The following MTUS2 variants were observed in gnomAD, a reference collection of about 807,000 sequenced individuals.
The protein encoded by MTUS2 is microtubule associated scaffold protein 2.
A neutral mutation model predicts 114.1 loss-of-function variants in MTUS2; 40 were observed. The observed-to-expected ratio is 0.35, with a 90% confidence interval of 0.27 to 0.46. The LOEUF (loss-of-function observed/expected upper bound fraction) is 0.46, where lower values mean the gene tolerates loss of function less well. MTUS2 is among the 20% of genes least tolerant of loss of function. The pLI is 1.00. For missense variants in MTUS2, 1,679 were observed against 1,705.4 expected, an observed-to-expected ratio of 0.98 and a Z score of 0.27; for synonymous variants, 688 against 672.0, an observed-to-expected ratio of 1.02 and a Z score of -0.37.
intron 10 of MTUS2, among the ~76,000 whole-genome samples, chr13:29,486,155 A>T (rs565462410): frequency 1.6e-4 from 25 of 152,204 alleles, no homozygotes; most frequent in Non-Finnish European, 2.6e-4. Context: ...CATAGCTCTG[A>T]GCTTCAAGTA....
At chr13:29,087,990 C>T (rs980671085) in intron 4 of MTUS2, among the ~76,000 whole-genome samples, 3 of 147,092 alleles carry the variant, frequency 2.0e-5, no homozygotes, top group South Asian at 2.1e-4. Flanking sequence ...ACCTGGGAGG[C>T]GGAGCTTGCA....
chr13:29,438,324 T>C (rs1349814254), intron 8 of MTUS2, among the ~76,000 whole-genome samples: 1 of 151,954 alleles, frequency 6.6e-6, no homozygotes, highest in Non-Finnish European at 1.5e-5. Context: ...AGATGGGAGG[T>C]GTCCGTTGGG....
intron 2 of MTUS2, among the ~76,000 whole-genome samples, chr13:28,841,937 G>A (rs578109816): frequency 3.3e-5 from 5 of 152,264 alleles, no homozygotes; most frequent in Non-Finnish European, 7.4e-5. Flanking sequence ...TGCCCGCCTT[G>A]GCCTCCCAAA....
At chr13:29,241,384 G>C (rs975829259) in intron 5 of MTUS2, among the ~76,000 whole-genome samples, 2 of 152,128 alleles carry the variant, frequency 1.3e-5, no homozygotes, top group African/African-American at 4.8e-5. Flanking sequence ...TATTTATAAG[G>C]AGGTATTCAT....
intron 2 of MTUS2, among the ~76,000 whole-genome samples, chr13:28,984,053 G>A (rs1884472607): frequency 6.6e-6 from 1 of 152,196 alleles, no homozygotes; most frequent in Admixed American, 6.5e-5. Flanking sequence ...CTTGACAACA[G>A]ATTCCACTTT....
chr13:29,332,914 C>T (rs958547274), intron 7 of MTUS2, among the ~76,000 whole-genome samples: 4 of 152,090 alleles, frequency 2.6e-5, no homozygotes, highest in Non-Finnish European at 5.9e-5. Flanking sequence ...GGATTACAGG[C>T]GTGAGCCACC....
intron 5 of MTUS2, among the ~76,000 whole-genome samples, chr13:29,146,211 C>A (rs995705088): frequency 6.6e-6 from 1 of 152,194 alleles, no homozygotes; most frequent in East Asian, 1.9e-4. Flanking sequence ...CTCTCCTTCA[C>A]CCTGGCTGGA....
intron 5 of MTUS2, among the ~76,000 whole-genome samples, chr13:29,127,530 C>T (rs1002035597): frequency 2.6e-5 from 4 of 152,164 alleles, no homozygotes; most frequent in African/African-American, 9.7e-5. Flanking sequence ...GAAATTGTGC[C>T]TCAAGACTGC....
At chr13:28,873,534 A>G (rs1877749262) in intron 2 of MTUS2, among the ~76,000 whole-genome samples, 1 of 152,226 alleles carries the variant, frequency 6.6e-6, no homozygotes, top group Non-Finnish European at 1.5e-5. Flanking sequence ...ATTAGTTCCC[A>G]CTCAGACTTT....
At chr13:29,085,123 T>C (rs1889631912) in intron 4 of MTUS2, among the ~76,000 whole-genome samples, 1 of 152,174 alleles carries the variant, frequency 6.6e-6, no homozygotes, top group African/African-American at 2.4e-5. Flanking sequence ...TCTTGCCATG[T>C]GACATGCAGG....
intron 9 of MTUS2, among the ~76,000 whole-genome samples, chr13:29,446,865 G>C (rs1291368541): frequency 2.0e-5 from 3 of 149,542 alleles, no homozygotes; most frequent in Admixed American, 1.3e-4. Flanking sequence ...GTATATCAGG[G>C]TGTGGTTTAG....
chr13:28,965,636 T>C (rs1033972575), intron 2 of MTUS2, among the ~76,000 whole-genome samples: 5 of 152,152 alleles, frequency 3.3e-5, no homozygotes, highest in Admixed American at 1.3e-4. Flanking sequence ...ATATATATGA[T>C]AAGAGAGGTT....
At chr13:29,275,317 C>T (rs1898023008) in intron 5 of MTUS2, among the ~76,000 whole-genome samples, 1 of 152,128 alleles carries the variant, frequency 6.6e-6, no homozygotes, top group African/African-American at 2.4e-5. Context: ...GCATAATAAT[C>T]AAATCAGGTA....
chr13:29,457,894 G>A (rs1252318737), intron 9 of MTUS2, among the ~76,000 whole-genome samples: 6 of 152,072 alleles, frequency 3.9e-5, no homozygotes, highest in Non-Finnish European at 8.8e-5. Context: ...TTCTCTGGTC[G>A]CTAATGATAT....
intron 6 of MTUS2, among the ~76,000 whole-genome samples, chr13:29,301,134 G>A (rs1345819470): frequency 6.6e-6 from 1 of 152,202 alleles, no homozygotes; most frequent in African/African-American, 2.4e-5. Context: ...TGATGTGAGG[G>A]ATGAGGGGAA....
intron 8 of MTUS2, 88 bp downstream of exon 8, chr13:29,359,561 T>G (rs1197927996): frequency 6.9e-7 from 1 of 1,448,240 alleles, no homozygotes; most frequent in Non-Finnish European, 9.4e-7. Flanking sequence ...TGTTGCTGTT[T>G]TGGGTTTGAG....
chr13:29,225,357 A>G (rs907449401), intron 5 of MTUS2, among the ~76,000 whole-genome samples: 4 of 152,206 alleles, frequency 2.6e-5, no homozygotes, highest in Non-Finnish European at 5.9e-5. Context: ...CTTTCAACCC[A>G]TCCTCAAATC....
chr13:29,317,271 C>A (rs1288677069), intron 6 of MTUS2, among the ~76,000 whole-genome samples: 3 of 152,158 alleles, frequency 2.0e-5, no homozygotes, highest in African/African-American at 7.2e-5. Flanking sequence ...TCCACCTTCC[C>A]AGTATTCAGA....
intron 6 of MTUS2, among the ~76,000 whole-genome samples, chr13:29,304,129 C>T (rs1206253493): frequency 4.6e-5 from 7 of 151,932 alleles, no homozygotes. Context: ...CAAGAGCTCC[C>T]AAAGGAAGCA....
Sources: allele counts gnomAD v4.1 joint callset (sites outside exome capture counted in the v4.1 genomes callset), GRCh38; gene constraint gnomAD v4.1.1; transcripts MANE v1.5; gene names NCBI Gene and HGNC (gene_info 2026-07-23, HGNC 2026-07-21).